The following TNFRSF1B variants were observed in gnomAD, a reference collection of about 807,000 sequenced individuals.
The protein encoded by TNFRSF1B is tumor necrosis factor receptor superfamily member 1B.
Under a neutral mutation model 44.6 loss-of-function variants are expected in TNFRSF1B, and 19 were observed. The ratio of observed to expected loss-of-function variants is 0.43; its 90% CI spans 0.30 to 0.62. The LOEUF is 0.62. Ranked by LOEUF, TNFRSF1B falls within the 20% of genes least tolerant of loss-of-function variation. The pLI, the probability that TNFRSF1B is intolerant of heterozygous loss-of-function variation, is 0.16. For synonymous variants in TNFRSF1B, 252 were observed against 261.1 expected, an observed-to-expected ratio of 0.97 and a Z score of 0.34; for missense variants, 541 against 619.9, an observed-to-expected ratio of 0.87 and a Z score of 1.35.
Position 12,183,751 on chromosome 1 carries a change from AGCTAGCTAGCTAGCTAGCTATCTAT to A in TNFRSF1B, c.79-5044_79-5020del, listed in dbSNP as rs1557629279. On this transcript the variant is annotated intron_variant, in intron 1 of 9. Coordinates refer to ENST00000376259, the MANE Select transcript of TNFRSF1B (RefSeq NM_001066.3). ...TATCTATCTATCTATCTATCTATCT[AGCTAGCTAGCTAGCTAGCTATCTAT>A]TCTATCTACCTACCTATCTATCTAT... Among the ~76,000 whole-genome samples, 196 of 125,030 alleles carry A rather than the reference AGCTAGCTAGCTAGCTAGCTATCTAT, an allele frequency of 1.6e-3. 8 individuals carry two copies. Among genetic ancestry groups the A allele is most frequent in the Non-Finnish European group, 2.5e-3 (138 of 55,952 alleles). The allele number at this position is 125,030 out of a possible 152,430, so 82.0% of individuals were successfully genotyped here.
intron 2 of TNFRSF1B, among the ~76,000 whole-genome samples, chr1:12,190,605 T>C (rs1639092445): frequency 6.6e-6 from 1 of 151,994 alleles, no homozygotes; most frequent in South Asian, 2.1e-4. Context: ...TACTACCTGT[T>C]CCCCCTATCA....
Position 12,171,802 on chromosome 1 carries a change from T to A in TNFRSF1B, c.78+4633T>A, listed in dbSNP as rs1363393995. Among the ~76,000 whole-genome samples, 1 of 152,194 alleles carries A rather than the reference T, an allele frequency of 6.6e-6. No homozygotes were observed. Among genetic ancestry groups the A allele is most frequent in the South Asian group, 2.1e-4 (1 of 4,830 alleles). On this transcript the variant is annotated intron_variant, in intron 1 of 9. Coordinates refer to ENST00000376259, the MANE Select transcript of TNFRSF1B (RefSeq NM_001066.3). The surrounding 1 kb of genome is among the most constrained non-coding windows in gnomAD (Gnocchi z 4.5). ...ATCTCCAGATATTGCTAAGTGTCCT[T>A]TGGGGTTGGGGGATTGCCCCTGATT...
chr1:12,194,725 A>G, intron 8 of TNFRSF1B, 107 bp downstream of exon 8: 1 of 1,436,124 alleles, frequency 7.0e-7, no homozygotes, highest in Non-Finnish European at 9.8e-7. Flanking sequence ...GTCCAGTGTC[A>G]GGAGGTGTGC....
In TNFRSF1B at chr1:12,178,715, C is replaced by A. The variant is rs543087788; in HGVS notation, c.79-10081C>A. On this transcript the variant is annotated intron_variant, in intron 1 of 9. Transcript: ENST00000376259. This position sits in a 1 kb window ranked among gnomAD's most constrained non-coding sequence, Gnocchi z 4.3. ...GGTCAGGACGTTTGGGCAGAGGCAG[C>A]AGCAGTACGGGCATGGAGAAGGGGG... 6.7e-4 allele frequency among the ~76,000 whole-genome samples: 102 copies of A among 152,230 alleles called. No homozygotes were observed. The highest frequency in any genetic ancestry group is 1.1e-3 in the Non-Finnish European group (75 of 68,002).
intron 1 of TNFRSF1B, among the ~76,000 whole-genome samples, chr1:12,179,473 G>A (rs5745977): frequency 0.058 from 8,870 of 152,274 alleles, 525 homozygotes; most frequent in African/African-American, 0.15. Context: ...CGTGGTTTCC[G>A]CATTGCTTGA....
In TNFRSF1B at chr1:12,177,070, T is replaced by C. The variant is rs966137087; in HGVS notation, c.78+9901T>C. ...TAGGCTGGAGTGCAGTGGTGTGATCTTGGCTCACTGCAACCTCTGCCTTCT... is the reference window on the plus strand; with the variant it reads ...TAGGCTGGAGTGCAGTGGTGTGATCCTGGCTCACTGCAACCTCTGCCTTCT... On this transcript the variant is annotated intron_variant, in intron 1 of 9. Transcript: ENST00000376259. The surrounding 1 kb of genome is among the most constrained non-coding windows in gnomAD (Gnocchi z 4.3). Among the ~76,000 whole-genome samples, 1 of 152,116 alleles carries C rather than the reference T, an allele frequency of 6.6e-6. No homozygotes were observed. The highest frequency in any genetic ancestry group is 1.5e-5 in the Non-Finnish European group (1 of 67,996).
At chr1:12,188,533 C>T (rs1639037030) in intron 1 of TNFRSF1B, among the ~76,000 whole-genome samples, 1 of 152,176 alleles carries the variant, frequency 6.6e-6, no homozygotes, top group African/African-American at 2.4e-5. Flanking sequence ...AGGGGTCACC[C>T]AGCACTGGAG....
In TNFRSF1B at chr1:12,186,145, TC is replaced by T. The variant is rs947427828; in HGVS notation, c.79-2648del. On this transcript the variant is annotated intron_variant, in intron 1 of 9. Coordinates refer to ENST00000376259, the MANE Select transcript of TNFRSF1B (RefSeq NM_001066.3). This position sits in a 1 kb window ranked among gnomAD's most constrained non-coding sequence, Gnocchi z 4.8. ...GGAAGCCCCAGCTCCTCTGGGTCGT[TC>T]CCGCTGAGGGATTCCAGCTGTTGGC... Among the ~76,000 whole-genome samples, 3 of 152,160 alleles carry T rather than the reference TC, an allele frequency of 2.0e-5. No homozygotes were observed. Among genetic ancestry groups the T allele is most frequent in the African/African-American group, 7.2e-5 (3 of 41,438 alleles).
chr1:12,194,020 A>G lies in TNFRSF1B; in HGVS notation c.853A>G (p.Thr285Ala). ...IIGVVNCVIMTQVKKKPLCLQ... is the reference protein window; with the variant it reads ...IIGVVNCVIMAQVKKKPLCLQ... ...AGGAGTGGTGAACTGTGTCATCATG[A>G]CCCAGGTGAAAAGTAAGAGTCCATC... The change falls in exon 7 of 10, where the codon ACC becomes GCC. Residue 285 changes from threonine (T) to alanine (A), a missense_variant. Coordinates refer to ENST00000376259, the MANE Select transcript of TNFRSF1B (RefSeq NM_001066.3). 2 of 1,613,872 alleles carry G rather than the reference A, an allele frequency of 1.2e-6. No individual in the cohort carries two copies. Among genetic ancestry groups the G allele is most frequent in the Non-Finnish European group, 1.7e-6 (2 of 1,179,850 alleles).
At chr1:12,192,349 C>A in intron 4 of TNFRSF1B, 82 bp from the exon 5 acceptor site, 2 of 1,306,668 alleles carry the variant, frequency 1.5e-6, no homozygotes, top group Non-Finnish European at 2.2e-6. Flanking sequence ...GCCCCTCAGA[C>A]CTCTCCTAGG....
intron 9 of TNFRSF1B, among the ~76,000 whole-genome samples, chr1:12,206,359 CAA>C (rs35664314): frequency 1.3e-3 from 108 of 80,548 alleles, no homozygotes; most frequent in African/African-American, 1.3e-3. Context: ...GACCCTGTCT[CAA>C]AAAAAAAAAA....
chr1:12,169,782 G>T lies in TNFRSF1B; in HGVS notation c.78+2613G>T, dbSNP rs1209632187. On this transcript the variant is annotated intron_variant, in intron 1 of 9. Transcript: ENST00000376259. This position sits in a 1 kb window ranked among gnomAD's most constrained non-coding sequence, Gnocchi z 4.5. ...GAAATGCCAGTAAACCTGGCAGTAG[G>T]TGAGTGCTTGGTGCCCTCTGATGGG... 1.3e-5 allele frequency among the ~76,000 whole-genome samples: 2 copies of T among 152,274 alleles called. No homozygotes were observed. Among genetic ancestry groups the T allele is most frequent in the African/African-American group, 2.4e-5 (1 of 41,472 alleles).
At chr1:12,202,223 C>G in intron 9 of TNFRSF1B, 52 bp downstream of exon 9, 1 of 1,529,608 alleles carries the variant, frequency 6.5e-7, no homozygotes, top group Non-Finnish European at 8.7e-7. Context: ...TGGTCTTTCT[C>G]ACCTGGTTTC....
At position 12,186,072 on chromosome 1, in the gene TNFRSF1B, G is replaced by A. The variant is rs1194599533; in HGVS notation, c.79-2724G>A. On this transcript the variant is annotated intron_variant, in intron 1 of 9. Transcript: ENST00000376259. The surrounding 1 kb of genome is among the most constrained non-coding windows in gnomAD (Gnocchi z 4.8). The stretch of plus-strand genomic sequence containing the variant: ...CCATTCCAGGCATAGAAATCAGCTG[G>A]GGTGCAAAGGCCTGGGGGTCAGAAG... 2.0e-5 allele frequency among the ~76,000 whole-genome samples: 3 copies of A among 152,170 alleles called. No homozygotes were observed. The highest frequency in any genetic ancestry group is 2.9e-5 in the Non-Finnish European group (2 of 68,000).
intron 1 of TNFRSF1B, among the ~76,000 whole-genome samples, chr1:12,184,856 G>A (rs961075250): frequency 9.2e-5 from 14 of 152,292 alleles, no homozygotes; most frequent in Admixed American, 4.6e-4. Context: ...TGAAGCCCGC[G>A]GGATGCAGGA....
intron 1 of TNFRSF1B, among the ~76,000 whole-genome samples, chr1:12,183,783 T>G (rs927350557): frequency 7.3e-6 from 1 of 137,414 alleles, no homozygotes; most frequent in African/African-American, 2.6e-5. Context: ...CTATTCTATC[T>G]ACCTACCTAT....
intron 1 of TNFRSF1B, among the ~76,000 whole-genome samples, chr1:12,184,684 G>T (rs533268532): frequency 6.6e-6 from 1 of 152,176 alleles, no homozygotes; most frequent in Admixed American, 6.5e-5. Flanking sequence ...ACTTGGCCAC[G>T]GCAGGGCTCT....
At position 12,167,157 on chromosome 1, in the gene TNFRSF1B, C is replaced by G; in HGVS notation, c.66C>G (p.Ala22=). 7.7e-7 allele frequency: 1 copy of G among 1,293,362 alleles called. No homozygotes were observed. The highest frequency in any genetic ancestry group is 9.8e-7 in the Non-Finnish European group (1 of 1,018,046). The allele number at this position is 1,293,362 out of a possible 1,614,324, so 80.1% of individuals were successfully genotyped here. A position where few individuals can be genotyped will look rare whatever the true frequency, so the allele number is the denominator to read the frequency against. Residue 22 remains alanine (A), a synonymous_variant, in exon 1 of 10, where the codon GCC becomes GCG. Transcript: ENST00000376259. ...VGLELWAAAH[A]LPAQVAFTPY... is the part of the protein sequence containing the mutation. ...TGGAGCTCTGGGCTGCGGCGCACGC[C>G]TTGCCCGCCCAGGTGGGTGACTCGC...
rs748689571 is a variant in TNFRSF1B, at chr1:12,206,857, C to T, written c.1223C>T (p.Thr408Ile). The T allele has an allele frequency of 8.1e-6, 13 of 1,614,118 alleles. No homozygotes were observed. The highest frequency in any genetic ancestry group is 1.1e-5 in the Non-Finnish European group (13 of 1,180,046). ...SSQASSTMGDTDSSPSESPKD... is the reference protein window; with the variant it reads ...SSQASSTMGDIDSSPSESPKD... Reference sequence around the variant, plus strand: ...CAAGCCAGCTCCACAATGGGAGACACAGATTCCAGCCCCTCGGAGTCCCCG... The same window carrying T: ...CAAGCCAGCTCCACAATGGGAGACATAGATTCCAGCCCCTCGGAGTCCCCG... Residue 408 changes from threonine to isoleucine, a missense_variant, in exon 10 of 10, where the codon ACA becomes ATA. Transcript: ENST00000376259.
Sources: gnomAD v4.1 joint callset for allele counts (sites outside exome capture counted in the v4.1 genomes callset) on GRCh38, gnomAD v4.1.1 for gene constraint, Gnocchi (gnomAD v3.1) non-coding constraint, MANE v1.5 for transcripts, NCBI Gene and HGNC (gene_info 2026-07-23, HGNC 2026-07-21) for gene names.